CACNA1B: variants seen among roughly 807,000 people sequenced by gnomAD.
CACNA1B encodes the protein calcium voltage-gated channel subunit alpha1 B, also known as voltage-dependent N-type calcium channel subunit alpha-1B.
In CACNA1B, 70 loss-of-function variants were observed where a neutral mutation model predicts 247.2. The observed-to-expected ratio is 0.28, with a 90% CI of 0.23 to 0.35. The LOEUF is 0.35. Ranked by LOEUF, CACNA1B falls within the 10% of genes least tolerant of loss-of-function variation. CACNA1B has a pLI of 1.00. For missense variants in CACNA1B, 2,367 were observed against 3,197.4 expected (o/e 0.74, Z 6.26); for synonymous variants, 1,231 against 1,294.4 (o/e 0.95, Z 1.05).
rs1053139340 is a variant in CACNA1B, at chr9:137,952,615, A to T, written c.1070+238A>T. On this transcript the variant is annotated intron_variant, in intron 7 of 46. Coordinates refer to ENST00000371372, the MANE Select transcript of CACNA1B (RefSeq NM_000718.4). The surrounding 1 kb of genome is among the most constrained non-coding windows in gnomAD (Gnocchi z 4.8). ...CCCTGGCCTTTCCGTGGTCTCTGCCATGGGAGAGTAGCTGCCACTACTCAT... is the reference window on the plus strand; with the variant it reads ...CCCTGGCCTTTCCGTGGTCTCTGCCTTGGGAGAGTAGCTGCCACTACTCAT... 6.6e-6 allele frequency among the ~76,000 whole-genome samples: 1 copy of T among 151,836 alleles called. No homozygotes were observed. Among genetic ancestry groups the T allele is most frequent in the Non-Finnish European group, 1.5e-5 (1 of 67,968 alleles).
rs150891538 is a variant in CACNA1B, at chr9:137,987,531, G to A, written c.1974+677G>A. ...TGCCATGTCTGAGACTGAACAGGATGGTGGCTGTTGTCTTGCCTGTGATGC... is the reference window on the plus strand; with the variant it reads ...TGCCATGTCTGAGACTGAACAGGATAGTGGCTGTTGTCTTGCCTGTGATGC... On this transcript the variant is annotated intron_variant, in intron 15 of 46. Coordinates refer to ENST00000371372, the MANE Select transcript of CACNA1B (RefSeq NM_000718.4). 3.0e-4 allele frequency among the ~76,000 whole-genome samples: 46 copies of A among 152,304 alleles called. No homozygotes were observed. The East Asian group carries it at 8.7e-3, about 29-fold the overall frequency.
intron 1 of CACNA1B, among the ~76,000 whole-genome samples, chr9:137,878,816 G>A (rs565696482): frequency 6.6e-6 from 1 of 152,258 alleles, no homozygotes; most frequent in African/African-American, 2.4e-5. Context: ...ACGGCCGCCC[G>A]GGTGTGCCGA....
At position 137,952,935 on chromosome 9, in the gene CACNA1B, AC is replaced by A. The variant is rs1437015285; in HGVS notation, c.1070+561del. Among the ~76,000 whole-genome samples the A allele has an allele frequency of 1.3e-5, 2 of 152,072 alleles. No individual in the cohort carries two copies. Among genetic ancestry groups the A allele is most frequent in the African/African-American group, 4.8e-5 (2 of 41,392 alleles). ...TGTAGCAGTCACCACTGGGCTCGCC[AC>A]CCTGGCCCTGACTGCTGGTGTCCAC... On this transcript the variant is annotated intron_variant, in intron 7 of 46. Transcript: ENST00000371372. The surrounding 1 kb of genome is among the most constrained non-coding windows in gnomAD (Gnocchi z 4.8).
At chr9:138,085,291 AAG>A (rs1419116856) in intron 36 of CACNA1B, among the ~76,000 whole-genome samples, 1 of 150,962 alleles carries the variant, frequency 6.6e-6, no homozygotes, top group Non-Finnish European at 1.5e-5. Flanking sequence ...CAGAAGAAAA[AAG>A]AAATCTCTGA....
chr9:137,959,502 T>C (rs1160156891), intron 10 of CACNA1B, among the ~76,000 whole-genome samples: 1 of 152,178 alleles, frequency 6.6e-6, no homozygotes, highest in Non-Finnish European at 1.5e-5. Context: ...TCTTCATCTA[T>C]GGTTTGGAAT....
intron 10 of CACNA1B, among the ~76,000 whole-genome samples, chr9:137,961,413 T>C (rs1222270883): frequency 6.6e-6 from 1 of 152,184 alleles, no homozygotes; most frequent in Non-Finnish European, 1.5e-5. Flanking sequence ...CTATGTTGGA[T>C]AGGAGTGGTG....
At chr9:137,931,667 G>A (rs1403345129) in intron 6 of CACNA1B, among the ~76,000 whole-genome samples, 5 of 152,014 alleles carry the variant, frequency 3.3e-5, no homozygotes, top group Non-Finnish European at 4.4e-5. Flanking sequence ...CTACCTATTG[G>A]GGATCATGGA....
At chr9:138,088,368 CA>C (rs796969684) in intron 36 of CACNA1B, among the ~76,000 whole-genome samples, 130 of 126,708 alleles carry the variant, frequency 1.0e-3, no homozygotes, top group Middle Eastern at 4.2e-3. Flanking sequence ...GACTCTGTCT[CA>C]AAAAAAAAAA....
chr9:137,910,485 G>A (rs934703830), intron 3 of CACNA1B, among the ~76,000 whole-genome samples: 2 of 152,108 alleles, frequency 1.3e-5, no homozygotes, highest in African/African-American at 2.4e-5. Flanking sequence ...TACATTTATT[G>A]TGCACTTTGT....
intron 12 of CACNA1B, among the ~76,000 whole-genome samples, chr9:137,981,508 G>A (rs778940808): frequency 2.7e-4 from 41 of 152,200 alleles, no homozygotes; most frequent in Middle Eastern, 3.4e-3. Flanking sequence ...TGTGTGTCTC[G>A]CTCTGTTGCC....
In CACNA1B at chr9:137,957,803, C is replaced by A; in HGVS notation, c.1333+116C>A. On this transcript the variant is annotated intron_variant, in intron 10 of 46. Coordinates refer to ENST00000371372, the MANE Select transcript of CACNA1B (RefSeq NM_000718.4). The surrounding 1 kb of genome is among the most constrained non-coding windows in gnomAD (Gnocchi z 4.7). ...ACGCCCCTTCTTGCCCAAACGCCTGCAGGCTCCTTTCAGACAGTTTGCTGC... is the reference window on the plus strand; with the variant it reads ...ACGCCCCTTCTTGCCCAAACGCCTGAAGGCTCCTTTCAGACAGTTTGCTGC... 2 of 643,858 alleles carry A rather than the reference C, an allele frequency of 3.1e-6. No individual in the cohort carries two copies. The highest frequency in any genetic ancestry group is 5.2e-6 in the Non-Finnish European group (2 of 385,424). The allele number at this position is 643,858 out of a possible 1,614,324, so 39.9% of individuals were successfully genotyped here.
At position 138,022,988 on chromosome 9, in the gene CACNA1B, G is replaced by T. The variant is rs1453585734; in HGVS notation, c.2268-23G>T. The T allele has an allele frequency of 2.0e-6, 3 of 1,468,848 alleles. No individual in the cohort carries two copies. The African/African-American group carries it at 4.4e-5, about 21-fold the overall frequency. 91.0% of individuals were successfully genotyped at this position (1,468,848 alleles called of 1,614,324 possible). On this transcript the variant is annotated intron_variant, in intron 18 of 46. Transcript: ENST00000371372. ...GCGGGCGGGCGGCAGACGGGGCCGCGCTCACCGCCAGTCTCCCCGCAGCAG... is the reference window on the plus strand; with the variant it reads ...GCGGGCGGGCGGCAGACGGGGCCGCTCTCACCGCCAGTCTCCCCGCAGCAG...
chr9:138,102,622 A>ACCCCGCTCCCCT lies in CACNA1B; in HGVS notation c.5223-74_5223-63dup, dbSNP rs557756130. 2.9e-5 allele frequency: 17 copies of ACCCCGCTCCCCT among 589,148 alleles called. No homozygotes were observed. The East Asian group carries it at 4.4e-4, about 15-fold the overall frequency. The allele number at this position is 589,148 out of a possible 1,614,324, so 36.5% of individuals were successfully genotyped here. A position where few individuals can be genotyped will look rare whatever the true frequency, so the allele number is the denominator to read the frequency against. On this transcript the variant is annotated intron_variant, in intron 37 of 46. Coordinates refer to ENST00000371372, the MANE Select transcript of CACNA1B (RefSeq NM_000718.4). The surrounding 1 kb of genome is among the most constrained non-coding windows in gnomAD (Gnocchi z 5.4). ...TCTTGTCTGCTTCCTCCCTGCCCCT[A>ACCCCGCTCCCCT]CCCCGCTCCCCTCCCCGCTCCCCTC...
At chr9:138,103,872 G>T (rs560189914) in intron 38 of CACNA1B, among the ~76,000 whole-genome samples, 1 of 152,226 alleles carries the variant, frequency 6.6e-6, no homozygotes, top group Non-Finnish European at 1.5e-5. Flanking sequence ...TTTGTCACCC[G>T]ACTCAGTGCA....
At position 138,073,080 on chromosome 9, in the gene CACNA1B, A is replaced by C. The variant is rs1207733206; in HGVS notation, c.4675-408A>C. ...GTCCCTTCCGGGGTGCTGGGTGGAG[A>C]AGCAGTCATGCCCAGCACGTGGCCA... is the stretch of plus-strand genomic sequence containing the variant. On this transcript the variant is annotated intron_variant, in intron 32 of 46. Transcript: ENST00000371372. The surrounding 1 kb of genome is among the most constrained non-coding windows in gnomAD (Gnocchi z 6.4). Among the ~76,000 whole-genome samples, 4 of 152,090 alleles carry C rather than the reference A, an allele frequency of 2.6e-5. No individual in the cohort carries two copies. The highest frequency in any genetic ancestry group is 2.0e-4 in the Admixed American group (3 of 15,272).
rs1028725087 is a variant in CACNA1B, at chr9:138,120,716, G to A, written c.6324G>A (p.Arg2108=). Residue 2108 remains arginine, a synonymous_variant, in exon 46 of 47, where the codon CGG becomes CGA. Coordinates refer to ENST00000371372, the MANE Select transcript of CACNA1B (RefSeq NM_000718.4). ...CRRERERRQE[R]GRSQERRQPS... is the part of the protein sequence containing the mutation. ...GGGAACGAGAGCGCCGGCAGGAGCG[G>A]GGCCGGTCCCAGGAGCGGAGGCAGC... 1 of 1,533,446 alleles carries A rather than the reference G, an allele frequency of 6.5e-7. No homozygotes were observed. Among genetic ancestry groups the A allele is most frequent in the Non-Finnish European group, 8.7e-7 (1 of 1,143,036 alleles). 95.0% of individuals were successfully genotyped at this position (1,533,446 alleles called of 1,614,324 possible).
intron 37 of CACNA1B, among the ~76,000 whole-genome samples, chr9:138,101,696 T>A (rs1388700836): frequency 6.6e-6 from 1 of 152,200 alleles, no homozygotes; most frequent in Non-Finnish European, 1.5e-5. Context: ...CGTCCTGCTT[T>A]GCCTCTGGAG....
chr9:138,064,142 T>TCCA (rs1453046148), intron 31 of CACNA1B, among the ~76,000 whole-genome samples: 2 of 152,232 alleles, frequency 1.3e-5, no homozygotes, highest in Admixed American at 6.5e-5. Flanking sequence ...ATCAATGTTA[T>TCCA]CTTGGACCTT....
intron 20 of CACNA1B, among the ~76,000 whole-genome samples, 161 bp from the exon 21 acceptor site, chr9:138,043,613 C>T (rs570810300): frequency 1.6e-4 from 25 of 152,268 alleles, no homozygotes; most frequent in Admixed American, 7.2e-4. Context: ...TCGTGCGCCA[C>T]GGTCATGTAC....
Sources: allele counts gnomAD v4.1 joint callset (sites outside exome capture counted in the v4.1 genomes callset), GRCh38; gene constraint gnomAD v4.1.1; non-coding constraint Gnocchi (gnomAD v3.1); transcripts MANE v1.5; gene names NCBI Gene and HGNC (gene_info 2026-07-23, HGNC 2026-07-21).